The following ANK3 variants were observed in gnomAD, a reference collection of about 807,000 sequenced individuals.
ANK3 encodes ankyrin-3.
In ANK3, 57 loss-of-function variants were observed where a neutral mutation model predicts 370.9. That is an observed-to-expected ratio of 0.15 (90% CI 0.12 to 0.19). ANK3 has a LOEUF of 0.19. Among genes scored for constraint, ANK3 ranks in the 10% least tolerant of loss-of-function variants. The pLI, the probability that ANK3 is intolerant of heterozygous loss-of-function variation, is 1.00. For synonymous variants in ANK3, 1,929 were observed against 1,946.3 expected, an observed-to-expected ratio of 0.99 and a Z score of 0.23; for missense variants, 4,439 against 5,302.1, an observed-to-expected ratio of 0.84 and a Z score of 5.06.
At chr10:60,174,035 A>G (rs1328083704) in intron 18 of ANK3, among the ~76,000 whole-genome samples, 1 of 152,176 alleles carries the variant, frequency 6.6e-6, no homozygotes, top group African/African-American at 2.4e-5. Flanking sequence ...TCTGAAAGGG[A>G]GAACATTGAC....
intron 2 of ANK3, among the ~76,000 whole-genome samples, chr10:60,458,054 G>A (rs2133052276): frequency 6.6e-6 from 1 of 152,190 alleles, no homozygotes; most frequent in African/African-American, 2.4e-5. Flanking sequence ...GGTAAGGATG[G>A]AAAGTGCCTT....
chr10:60,341,659 G>T (rs762924242), intron 1 of ANK3, among the ~76,000 whole-genome samples: 1 of 152,158 alleles, frequency 6.6e-6, no homozygotes. Context: ...TAAGGGTAGA[G>T]ATCGTGCCTG....
At position 60,128,384 on chromosome 10, in the gene ANK3, C is replaced by CT. The variant is rs56104024; in HGVS notation, c.2841+5886dup. Among the ~76,000 whole-genome samples the CT allele has an allele frequency of 2.9e-3, 426 of 146,110 alleles. 5 individuals carry two copies. Among genetic ancestry groups the CT allele is most frequent in the African/African-American group, 8.1e-3 (320 of 39,514 alleles). On this transcript the variant is annotated intron_variant, in intron 25 of 43. Coordinates refer to ENST00000280772, the MANE Select transcript of ANK3 (RefSeq NM_020987.5). ...GTGCCTCAGTTTCTTCATTTTTTTTCTTTTTTTTTTTTTGAGATAGGGTCT... is the reference window on the plus strand; with the variant it reads ...GTGCCTCAGTTTCTTCATTTTTTTTCTTTTTTTTTTTTTTGAGATAGGGTCT...
Position 60,200,224 on chromosome 10 carries a change from C to T in ANK3, c.1396G>A (p.Gly466Arg). 1 of 1,613,720 alleles carries T rather than the reference C, an allele frequency of 6.2e-7. No individual in the cohort carries two copies. The highest frequency in any genetic ancestry group is 8.5e-7 in the Non-Finnish European group (1 of 1,179,654). ...GCTGCCATGTGCAGTGCTGTTTCTC[C>T]TCTCTGGGGAACATGAGCCAAAGTA... ...GASPNTTNVR[G>R]ETALHMAARS... Residue 466 changes from glycine (G) to arginine (R), a missense_variant, in exon 13 of 44, where the codon GGA (glycine) becomes AGA (arginine). By Grantham distance (125) the Gly-to-Arg change is moderately radical. Coordinates refer to ENST00000280772, the MANE Select transcript of ANK3 (RefSeq NM_020987.5).
chr10:60,318,560 G>A (rs975088801), intron 1 of ANK3, among the ~76,000 whole-genome samples: 3 of 152,192 alleles, frequency 2.0e-5, no homozygotes, highest in Admixed American at 2.0e-4. Context: ...TACCAGACCA[G>A]GTAGCCTCAA....
intron 1 of ANK3, among the ~76,000 whole-genome samples, chr10:60,668,602 T>C (rs2079027908): frequency 6.6e-6 from 1 of 152,178 alleles, no homozygotes; most frequent in South Asian, 2.1e-4. Flanking sequence ...AGAAGGGACT[T>C]TCTCTTCCAC....
At chr10:60,247,596 C>A (rs1341726304) in intron 7 of ANK3, among the ~76,000 whole-genome samples, 2 of 152,146 alleles carry the variant, frequency 1.3e-5, no homozygotes, top group Non-Finnish European at 2.9e-5. Context: ...TTATAGATAC[C>A]TGTGTTAAGT....
chr10:60,493,825 G>A (rs1421966797), intron 2 of ANK3, among the ~76,000 whole-genome samples: 1 of 152,156 alleles, frequency 6.6e-6, no homozygotes, highest in Non-Finnish European at 1.5e-5. Context: ...AGAGTATACA[G>A]TAAGAATGAG....
intron 2 of ANK3, among the ~76,000 whole-genome samples, chr10:60,502,747 G>GGA (rs373507106): frequency 1.4e-5 from 2 of 139,880 alleles, no homozygotes. Context: ...AGAGAGGGAG[G>GGA]GAGAGAGAGA....
Position 60,042,652 on chromosome 10 carries a change from T to C in ANK3, c.*19+20A>G, listed in dbSNP as rs184441492. On this transcript the variant is annotated intron_variant, in intron 43 of 43. Coordinates refer to ENST00000280772, the MANE Select transcript of ANK3 (RefSeq NM_020987.5). ...CACAGGAATTTAAGTCCTACTGTTG[T>C]TGATATGAACACACCTCACCTTGAC... is the stretch of plus-strand genomic sequence containing the variant. 155 of 1,602,896 alleles carry C rather than the reference T, an allele frequency of 9.7e-5. No homozygotes were observed. In the East Asian group the frequency reaches 3.4e-3, roughly 35 times the overall value.
chr10:60,322,805 A>C (rs1209651274), intron 1 of ANK3, among the ~76,000 whole-genome samples: 1 of 152,088 alleles, frequency 6.6e-6, no homozygotes, highest in African/African-American at 2.4e-5. Flanking sequence ...TGGGGGGGAA[A>C]AAAAATCTAG....
intron 16 of ANK3, among the ~76,000 whole-genome samples, chr10:60,190,423 C>T (rs1281987643): frequency 6.7e-6 from 1 of 149,458 alleles, no homozygotes; most frequent in Non-Finnish European, 1.5e-5. Flanking sequence ...TTAGTGAAAA[C>T]AAACAAACAA....
At chr10:60,426,720 C>T (rs1280307060) in intron 2 of ANK3, among the ~76,000 whole-genome samples, 1 of 152,072 alleles carries the variant, frequency 6.6e-6, no homozygotes, top group East Asian at 1.9e-4. Context: ...AGCATCTTCC[C>T]ACAATTACTT....
At chr10:60,634,488 C>T (rs1487423252) in intron 1 of ANK3, among the ~76,000 whole-genome samples, 1 of 151,988 alleles carries the variant, frequency 6.6e-6, no homozygotes. Context: ...GTAAAACAGA[C>T]CAATCAGCAC....
chr10:60,435,870 C>T (rs546012149), intron 2 of ANK3, among the ~76,000 whole-genome samples: 13 of 152,198 alleles, frequency 8.5e-5, no homozygotes, highest in Admixed American at 7.2e-4. Flanking sequence ...GAGGCCGAGG[C>T]GGGCGGATCA....
At chr10:60,662,190 G>T (rs551664586) in intron 1 of ANK3, among the ~76,000 whole-genome samples, 1 of 152,126 alleles carries the variant, frequency 6.6e-6, no homozygotes, top group South Asian at 2.1e-4. Flanking sequence ...ATGAAAAAAT[G>T]CCATGTCTAG....
chr10:60,607,053 G>T (rs1274129365), intron 2 of ANK3, among the ~76,000 whole-genome samples: 2 of 152,074 alleles, frequency 1.3e-5, no homozygotes, highest in Non-Finnish European at 2.9e-5. Context: ...ACAGATAAAG[G>T]CCTATAAAGA....
rs2078488540 is a variant in ANK3 at position 60,631,876 on chromosome 10, G to T, written c.58-16652C>A. Among the ~76,000 whole-genome samples, 3 of 151,940 alleles carry T rather than the reference G, an allele frequency of 2.0e-5. No homozygotes were observed. In the South Asian group the frequency reaches 6.2e-4, roughly 32 times the overall value. The stretch of plus-strand genomic sequence containing the variant: ...ATACAAGTCGAATTTTTTTAATCTT[G>T]GAGTATTTAACTATTTATGGTAAGG... On this transcript the variant is annotated intron_variant, in intron 1 of 43. Transcript: ENST00000373827.
chr10:60,229,603 T>C (rs762763091), intron 8 of ANK3, among the ~76,000 whole-genome samples: 2 of 152,168 alleles, frequency 1.3e-5, no homozygotes, highest in Non-Finnish European at 2.9e-5. Context: ...AATTTAACAA[T>C]TGACAGATTG....
Sources: allele counts gnomAD v4.1 joint callset (sites outside exome capture counted in the v4.1 genomes callset), GRCh38; gene constraint gnomAD v4.1.1; transcripts MANE v1.5; gene names NCBI Gene and HGNC (gene_info 2026-07-23, HGNC 2026-07-21).